Variants in KALRN observed in about 807,000 individuals in gnomAD.
KALRN encodes the protein kalirin.
In KALRN, 70 loss-of-function variants were observed where a neutral mutation model predicts 353.7. That is an observed-to-expected ratio of 0.20 (90% confidence interval 0.16 to 0.24). The LOEUF is 0.24. Ranked by LOEUF, KALRN falls within the 10% of genes least tolerant of loss-of-function variation. The probability of loss-of-function intolerance (pLI) is 1.00; values close to 1 mark genes in which losing one functional copy is unlikely to be tolerated. For missense variants in KALRN, 2,791 were observed against 3,756.7 expected, an observed-to-expected ratio of 0.74 and a Z score of 6.72; for synonymous variants, 1,391 against 1,434.8, an observed-to-expected ratio of 0.97 and a Z score of 0.69.
At chr3:124,589,825 C>A (rs1261166652) in intron 34 of KALRN, among the ~76,000 whole-genome samples, 3 of 152,126 alleles carry the variant, frequency 2.0e-5, no homozygotes, top group Admixed American at 6.5e-5. Context: ...CTTATTGAAT[C>A]TTCAGATACA....
At chr3:124,600,792 GGAGAGGCTACCTT>G (rs1215655083) in intron 34 of KALRN, among the ~76,000 whole-genome samples, 1 of 152,180 alleles carries the variant, frequency 6.6e-6, no homozygotes, top group Non-Finnish European at 1.5e-5. Flanking sequence ...AGGCAGGTTT[GGAGAGGCTACCTT>G]GAGTGCATGT....
chr3:124,584,818 C>G lies in KALRN; in HGVS notation c.5182+21729C>G, dbSNP rs753789801. On this transcript the variant is annotated intron_variant, in intron 34 of 59. Coordinates refer to ENST00000682506, the MANE Select transcript of KALRN (RefSeq NM_001388419.1). ...ATGCGGGAGCGCTGGGGCGGCGGGGCAACATGAAGGGCGGCGACAGGGCTT... is the reference window on the plus strand; with the variant it reads ...ATGCGGGAGCGCTGGGGCGGCGGGGGAACATGAAGGGCGGCGACAGGGCTT... The G allele has an allele frequency of 3.1e-6, 5 of 1,602,030 alleles. No homozygotes were observed. The East Asian group carries it at 9.1e-5, about 29-fold the overall frequency.
intron 1 of KALRN, among the ~76,000 whole-genome samples, chr3:124,122,677 C>G (rs1053626692): frequency 6.6e-6 from 1 of 152,148 alleles, no homozygotes; most frequent in South Asian, 2.1e-4. Flanking sequence ...CCATATAAAA[C>G]TGCAAACTTA....
chr3:124,616,097 T>C (rs1028547021), intron 34 of KALRN, among the ~76,000 whole-genome samples: 1 of 152,222 alleles, frequency 6.6e-6, no homozygotes, highest in Admixed American at 6.5e-5. Context: ...GTCTTTGACC[T>C]CTAGCCACCT....
At chr3:124,239,261 A>G (rs1474403765) in intron 3 of KALRN, among the ~76,000 whole-genome samples, 5 of 152,238 alleles carry the variant, frequency 3.3e-5, no homozygotes, top group African/African-American at 4.8e-5. Context: ...CACAGTGTGG[A>G]TAATCTACCC....
intron 28 of KALRN, 43 bp from the exon 29 acceptor site, chr3:124,488,161 G>A: frequency 1.6e-6 from 2 of 1,218,226 alleles, no homozygotes; most frequent in Non-Finnish European, 2.4e-6. Flanking sequence ...GGAGGAAGCT[G>A]GGGGAGATGG....
At chr3:124,144,601 T>TCTCCTCCTCTTCCTCATC (rs145917451) in intron 1 of KALRN, among the ~76,000 whole-genome samples, 97 of 136,494 alleles carry the variant, frequency 7.1e-4, no homozygotes, top group East Asian at 2.4e-3. Context: ...TCGTCTTCCT[T>TCTCCTCCTCTTCCTCATC]CTCCTCCTCT....
In KALRN at chr3:124,268,923, C is replaced by A; in HGVS notation, c.637C>A (p.Leu213Ile). The stretch of plus-strand genomic sequence containing the variant: ...GCGCCTCGAGGACCTCCAGGAGATG[C>A]TAGCCCGGAAGGAGTTTCCTGTGGA... ...LSRLEDLQEM[L>I]ARKEFPVDVE... The change falls in exon 5 of 60, where the codon CTA becomes ATA. Residue 213 changes from leucine (L) to isoleucine (I), a missense_variant. This residue lies in a region of KALRN where 366 missense variants were observed against 489.2 expected (regional missense o/e 0.75). Coordinates refer to ENST00000682506, the MANE Select transcript of KALRN (RefSeq NM_001388419.1). 1 of 1,614,114 alleles carries A rather than the reference C, an allele frequency of 6.2e-7. No homozygotes were observed. Among genetic ancestry groups the A allele is most frequent in the South Asian group, 1.1e-5 (1 of 91,064 alleles).
At chr3:124,391,126 G>A (rs929717810) in intron 11 of KALRN, among the ~76,000 whole-genome samples, 3 of 152,138 alleles carry the variant, frequency 2.0e-5, no homozygotes, top group African/African-American at 7.2e-5. Flanking sequence ...CCATCTACAT[G>A]TATATATCAG....
intron 1 of KALRN, among the ~76,000 whole-genome samples, chr3:124,146,940 A>G (rs553415958): frequency 5.3e-5 from 8 of 151,688 alleles, no homozygotes; most frequent in Non-Finnish European, 1.0e-4. Flanking sequence ...CTGGAAACCT[A>G]GAACTTATCC....
Position 124,628,670 on chromosome 3 carries a change from G to C in KALRN, c.5183-3750G>C, listed in dbSNP as rs1018853430. Among the ~76,000 whole-genome samples the C allele has an allele frequency of 2.7e-5, 4 of 150,860 alleles. No homozygotes were observed. In the South Asian group the frequency reaches 6.3e-4, roughly 24 times the overall value. ...AGCTTACTGCAACCTCTGCCTCCTA[G>C]GCTCAAACTGTTCTCATGCCTCAGC... On this transcript the variant is annotated intron_variant, in intron 34 of 59. Transcript: ENST00000682506.
At chr3:124,498,733 CA>C (rs935140038) in intron 33 of KALRN, among the ~76,000 whole-genome samples, 5 of 152,068 alleles carry the variant, frequency 3.3e-5, no homozygotes, top group African/African-American at 1.2e-4. Context: ...TAGTACTATG[CA>C]CTGTAATTTA....
At chr3:124,327,638 C>A (rs770118472) in intron 7 of KALRN, among the ~76,000 whole-genome samples, 2 of 152,214 alleles carry the variant, frequency 1.3e-5, no homozygotes, top group Non-Finnish European at 2.9e-5. Context: ...TTTTCTAACA[C>A]ACCACTGCTA....
intron 16 of KALRN, among the ~76,000 whole-genome samples, chr3:124,432,427 G>T (rs1471611010): frequency 6.6e-6 from 1 of 152,076 alleles, no homozygotes; most frequent in Non-Finnish European, 1.5e-5. Flanking sequence ...AACAAAAAAA[G>T]AATTGGGCAC....
intron 34 of KALRN, among the ~76,000 whole-genome samples, chr3:124,570,897 C>T (rs34206787): frequency 0.088 from 13,344 of 152,230 alleles, 770 homozygotes; most frequent in South Asian, 0.12. Flanking sequence ...CAAGAAACCC[C>T]TTCCACAATG....
At chr3:124,118,852 A>C (rs1012375407) in intron 1 of KALRN, among the ~76,000 whole-genome samples, 1 of 152,208 alleles carries the variant, frequency 6.6e-6, no homozygotes. Flanking sequence ...TCCACCATCT[A>C]TCTCACTTGA....
chr3:124,630,460 G>A (rs562145602), intron 34 of KALRN, among the ~76,000 whole-genome samples: 4 of 152,170 alleles, frequency 2.6e-5, no homozygotes, highest in South Asian at 4.2e-4. Context: ...GCAGTGGTGC[G>A]ATCTTGGCTC....
intron 10 of KALRN, 168 bp from the exon 11 acceptor site, chr3:124,384,677 G>C (rs2087924296): frequency 3.6e-6 from 2 of 560,714 alleles, no homozygotes; most frequent in East Asian, 3.1e-5. Context: ...CAGGCTGCTC[G>C]CTTGCTGAGA....
intron 11 of KALRN, among the ~76,000 whole-genome samples, chr3:124,385,933 T>G (rs2088214966): frequency 6.6e-6 from 1 of 152,066 alleles, no homozygotes; most frequent in Admixed American, 6.5e-5. Context: ...AGAGTATTAA[T>G]TAAAGTTTGA....
Sources: gnomAD v4.1 joint callset for allele counts (sites outside exome capture counted in the v4.1 genomes callset) on GRCh38, gnomAD v4.1.1 for gene constraint, gnomAD v4.1.1 regional missense constraint, MANE v1.5 for transcripts, NCBI Gene and HGNC (gene_info 2026-07-23, HGNC 2026-07-21) for gene names.